The following SEC24A variants were observed in gnomAD, a reference collection of about 807,000 sequenced individuals.
The protein encoded by SEC24A is SEC24 homolog A, COPII component.
A neutral mutation model predicts 129.4 loss-of-function variants in SEC24A; 93 were observed. That is an observed-to-expected ratio of 0.72 (90% CI 0.61 to 0.85). SEC24A has a LOEUF of 0.85. SEC24A is among the 40% of genes least tolerant of loss of function. The pLI is 0.00. For missense variants in SEC24A, 1,264 were observed against 1,307.4 expected, an observed-to-expected ratio of 0.97 and a Z score of 0.51; for synonymous variants, 460 against 467.3, an observed-to-expected ratio of 0.98 and a Z score of 0.20.
At chr5:134,674,471 A>T in intron 4 of SEC24A, 144 bp from the exon 5 acceptor site, 1 of 610,470 alleles carries the variant, frequency 1.6e-6, no homozygotes, top group Non-Finnish European at 2.7e-6. Context: ...TAGGAGGTTA[A>T]GGCTGCAGTG....
chr5:134,715,138 A>G lies in SEC24A; in HGVS notation c.2842A>G (p.Arg948Gly). Residue 948 changes from arginine to glycine, a missense_variant, in exon 19 of 23, where the codon AGA becomes GGA. Coordinates refer to ENST00000398844, the MANE Select transcript of SEC24A (RefSeq NM_021982.3). ...LMLTTHPSLY[R>G]VDNLSDEGAL... ...GCTCACAACTCATCCCAGTTTGTAT[A>G]GAGTTGACAATCTCTCAGATGAGGT... 3 of 1,609,192 alleles carry G rather than the reference A, an allele frequency of 1.9e-6. No homozygotes were observed. The highest frequency in any genetic ancestry group is 2.5e-6 in the Non-Finnish European group (3 of 1,178,898).
chr5:134,673,913 C>T (rs1456100458), intron 4 of SEC24A, among the ~76,000 whole-genome samples: 2 of 152,110 alleles, frequency 1.3e-5, no homozygotes, highest in Non-Finnish European at 2.9e-5. Flanking sequence ...GCAGGCAGAT[C>T]ACCTGAGGTC....
chr5:134,709,161 A>C (rs1193378551), intron 18 of SEC24A, among the ~76,000 whole-genome samples: 4 of 152,158 alleles, frequency 2.6e-5, no homozygotes, highest in African/African-American at 7.2e-5. Flanking sequence ...TAGTGAGCCC[A>C]TATCGTGCCA....
At chr5:134,707,551 G>A (rs1481007369) in intron 17 of SEC24A, among the ~76,000 whole-genome samples, 11 of 151,326 alleles carry the variant, frequency 7.3e-5, no homozygotes, top group Non-Finnish European at 1.0e-4. Context: ...GGGTGGTCTC[G>A]ATCTCCTGAC....
intron 18 of SEC24A, among the ~76,000 whole-genome samples, chr5:134,710,378 T>G (rs1752287465): frequency 6.6e-6 from 1 of 151,948 alleles, no homozygotes; most frequent in African/African-American, 2.4e-5. Flanking sequence ...ATTATAGGCA[T>G]GCACCACCAC....
chr5:134,702,374 A>G (rs1241037508), intron 15 of SEC24A, among the ~76,000 whole-genome samples: 2 of 152,228 alleles, frequency 1.3e-5, no homozygotes, highest in Non-Finnish European at 2.9e-5. Flanking sequence ...CAACATGTGC[A>G]TCTGTTTTTC....
rs201814395 is a variant in SEC24A, at chr5:134,674,763, A to G, written c.966A>G (p.Gln322=). 166 of 1,613,334 alleles carry G rather than the reference A, an allele frequency of 1.0e-4. 1 individual carries two copies. The highest frequency in any genetic ancestry group is 1.3e-4 in the Non-Finnish European group (156 of 1,179,718). Residue 322 remains glutamine (Q), a synonymous_variant, in exon 5 of 23, where the codon CAA becomes CAG. Transcript: ENST00000398844. ...PSSLNYPSGP[Q]AFTQTPLGAN... is the part of the protein sequence containing the mutation. ...CCTTGAATTACCCAAGTGGGCCACA[A>G]GCCTTTACTCAGGTAAACTTTTTGG...
chr5:134,711,088 A>G (rs796122666), intron 18 of SEC24A, among the ~76,000 whole-genome samples: 94 of 152,270 alleles, frequency 6.2e-4, no homozygotes, highest in African/African-American at 2.1e-3. Context: ...GTGAGCTGAG[A>G]TTGCACCACT....
intron 1 of SEC24A, among the ~76,000 whole-genome samples, chr5:134,657,992 G>A (rs1201778111): frequency 1.3e-5 from 2 of 152,152 alleles, no homozygotes; most frequent in African/African-American, 2.4e-5. Flanking sequence ...CATATGGCTG[G>A]GCATGGTGGC....
intron 8 of SEC24A, among the ~76,000 whole-genome samples, chr5:134,681,928 A>T (rs973835718): frequency 1.3e-5 from 2 of 152,132 alleles, no homozygotes; most frequent in African/African-American, 2.4e-5. Context: ...AAATGTTAAT[A>T]TCCTTGTATA....
In SEC24A at chr5:134,655,521, C is replaced by T. The variant is rs368430306; in HGVS notation, c.98-5598C>T. On this transcript the variant is annotated intron_variant, in intron 1 of 22. Transcript: ENST00000398844. The stretch of plus-strand genomic sequence containing the variant: ...AAAATTAGCCGGGTGTGGTGGCGTG[C>T]GCCTGTAATCCCAGCTACTCAGGAG... 1.3e-4 allele frequency among the ~76,000 whole-genome samples: 19 copies of T among 151,742 alleles called. No homozygotes were observed. The East Asian group carries it at 1.9e-3, about 15-fold the overall frequency.
At chr5:134,696,434 T>G (rs1208751136) in intron 13 of SEC24A, among the ~76,000 whole-genome samples, 1 of 152,032 alleles carries the variant, frequency 6.6e-6, no homozygotes, top group Non-Finnish European at 1.5e-5. Flanking sequence ...AACTATGAAA[T>G]TATTATAGTA....
In SEC24A at chr5:134,655,547, GC is replaced by G. The variant is rs1480035976; in HGVS notation, c.98-5570del. On this transcript the variant is annotated intron_variant, in intron 1 of 22. Transcript: ENST00000398844. ...GCCTGTAATCCCAGCTACTCAGGAG[GC>G]CTCAGCCTCCTGAGTGATTCTCAGC... is the stretch of plus-strand genomic sequence containing the variant. Among the ~76,000 whole-genome samples, 9 of 151,086 alleles carry G rather than the reference GC, an allele frequency of 6.0e-5. No individual in the cohort carries two copies. In the South Asian group the frequency reaches 8.4e-4, roughly 14 times the overall value.
intron 1 of SEC24A, among the ~76,000 whole-genome samples, chr5:134,656,377 G>A (rs541995400): frequency 1.2e-4 from 18 of 151,386 alleles, no homozygotes; most frequent in South Asian, 6.3e-4. Context: ...CGCGCCCAGC[G>A]CAGATAAATA....
intron 17 of SEC24A, among the ~76,000 whole-genome samples, chr5:134,706,611 C>T (rs1752167877): frequency 6.6e-6 from 1 of 151,888 alleles, no homozygotes; most frequent in Non-Finnish European, 1.5e-5. Context: ...GGGATCCTCC[C>T]ACCTCAGCCT....
chr5:134,671,919 C>CT, intron 4 of SEC24A, 33 bp downstream of exon 4: 1 of 1,275,374 alleles, frequency 7.8e-7, no homozygotes, highest in Non-Finnish European at 1.1e-6. Flanking sequence ...TTTTTAATCT[C>CT]TTTTTTCTGA....
At chr5:134,678,615 C>T (rs1281761468) in intron 7 of SEC24A, among the ~76,000 whole-genome samples, 1 of 151,670 alleles carries the variant, frequency 6.6e-6, no homozygotes. Context: ...GAGTCTTGCT[C>T]TGTTGCCCAG....
chr5:134,717,285 C>T (rs1752503761), intron 19 of SEC24A, among the ~76,000 whole-genome samples: 1 of 150,154 alleles, frequency 6.7e-6, no homozygotes, highest in African/African-American at 2.4e-5. Context: ...AGGTGGATCA[C>T]CTGAAGTTTG....
intron 21 of SEC24A, among the ~76,000 whole-genome samples, chr5:134,722,830 C>G (rs1238622851): frequency 6.6e-6 from 1 of 152,012 alleles, no homozygotes. Context: ...ATCTGTAGTT[C>G]AAGAAGATGA....
Sources: gnomAD v4.1 joint callset for allele counts (sites outside exome capture counted in the v4.1 genomes callset) on GRCh38, gnomAD v4.1.1 for gene constraint, MANE v1.5 for transcripts, NCBI Gene and HGNC (gene_info 2026-07-23, HGNC 2026-07-21) for gene names.